TBC1D5: variants seen among roughly 807,000 people sequenced by gnomAD.
The protein encoded by TBC1D5 is TBC1 domain family, member 5.
Under a neutral mutation model 100.3 loss-of-function variants are expected in TBC1D5, and 75 were observed. That is an observed-to-expected ratio of 0.75 (90% CI 0.62 to 0.91). The LOEUF (loss-of-function observed/expected upper bound fraction) is 0.91, where lower values mean the gene tolerates loss of function less well. Among genes scored for constraint, TBC1D5 ranks in the 40% least tolerant of loss-of-function variants. The pLI, the probability that TBC1D5 is intolerant of heterozygous loss-of-function variation, is 0.00. For synonymous variants in TBC1D5, 323 were observed against 325.6 expected, an observed-to-expected ratio of 0.99 and a Z score of 0.09; for missense variants, 910 against 942.4, an observed-to-expected ratio of 0.97 and a Z score of 0.45.
intron 21 of TBC1D5, among the ~76,000 whole-genome samples, chr3:17,161,893 C>T (rs1160572030): frequency 2.0e-5 from 3 of 152,010 alleles, no homozygotes; most frequent in East Asian, 1.9e-4. Flanking sequence ...TGGTGGTAAC[C>T]GGTAGGTTCT....
At chr3:17,569,073 C>G (rs1004052093) in intron 2 of TBC1D5, among the ~76,000 whole-genome samples, 3 of 151,718 alleles carry the variant, frequency 2.0e-5, no homozygotes, top group Non-Finnish European at 4.4e-5. Flanking sequence ...CAAATACCCA[C>G]AAAAAGAGAA....
chr3:17,297,703 C>T (rs2082399438), intron 14 of TBC1D5, among the ~76,000 whole-genome samples: 1 of 152,138 alleles, frequency 6.6e-6, no homozygotes. Context: ...CCACCTCAGC[C>T]TTCCTAGTGG....
intron 2 of TBC1D5, among the ~76,000 whole-genome samples, chr3:17,525,191 G>A (rs529429170): frequency 2.6e-5 from 4 of 152,024 alleles, no homozygotes; most frequent in South Asian, 4.2e-4. Flanking sequence ...GTGCAATGAC[G>A]CGATCTCGGC....
chr3:17,259,132 A>G (rs2149439863), intron 15 of TBC1D5, among the ~76,000 whole-genome samples: 1 of 152,350 alleles, frequency 6.6e-6, no homozygotes, highest in East Asian at 1.9e-4. Context: ...CTTATTTATG[A>G]GTTTAATAAA....
rs190469103 is a variant in TBC1D5 at position 17,457,253 on chromosome 3, A to G, written c.98-28734T>C. Among the ~76,000 whole-genome samples, 156 of 152,202 alleles carry G rather than the reference A, an allele frequency of 1.0e-3. 2 individuals are homozygous for G. In the South Asian group the frequency reaches 0.018, roughly 18 times the overall value. On this transcript the variant is annotated intron_variant, in intron 3 of 21. Transcript: ENST00000253692. ...TGTCTGTCATTAATTTTGAAAAATT[A>G]TTAGCCATTATTTCTTCAAATAATT... is the stretch of plus-strand genomic sequence containing the variant.
At chr3:17,384,058 T>A (rs775709257) in intron 8 of TBC1D5, 43 bp from the exon 9 acceptor site, 9 of 1,504,820 alleles carry the variant, frequency 6.0e-6, no homozygotes, top group African/African-American at 1.4e-5. Flanking sequence ...TAACACAGTT[T>A]CAAGAATCAC....
At chr3:17,461,361 C>T (rs1002764615) in intron 3 of TBC1D5, among the ~76,000 whole-genome samples, 1 of 152,184 alleles carries the variant, frequency 6.6e-6, no homozygotes, top group African/African-American at 2.4e-5. Flanking sequence ...CTGTGGGCTT[C>T]TCTCAAATCC....
chr3:17,180,013 G>A (rs139665703), intron 19 of TBC1D5, among the ~76,000 whole-genome samples: 200 of 152,206 alleles, frequency 1.3e-3, no homozygotes, highest in Non-Finnish European at 2.4e-3. Flanking sequence ...TGTGAAGTAC[G>A]GCATATCTAA....
chr3:17,308,252 C>T, intron 13 of TBC1D5, 118 bp from the exon 14 acceptor site: 4 of 940,548 alleles, frequency 4.3e-6, no homozygotes, highest in Non-Finnish European at 4.4e-6. Context: ...TATTATATAT[C>T]AAAAATATAA....
intron 15 of TBC1D5, among the ~76,000 whole-genome samples, chr3:17,272,731 T>G (rs2079559903): frequency 6.6e-6 from 1 of 152,202 alleles, no homozygotes; most frequent in South Asian, 2.1e-4. Context: ...CATGAAAATA[T>G]GAAGAACATT....
intron 14 of TBC1D5, among the ~76,000 whole-genome samples, chr3:17,293,686 G>A (rs776484379): frequency 5.3e-5 from 8 of 152,158 alleles, no homozygotes; most frequent in Non-Finnish European, 1.0e-4. Flanking sequence ...ATTCATGACA[G>A]GCCCTATGCT....
intron 1 of TBC1D5, among the ~76,000 whole-genome samples, chr3:17,721,490 G>C (rs2075700191): frequency 6.6e-6 from 1 of 151,110 alleles, no homozygotes; most frequent in East Asian, 1.9e-4. Flanking sequence ...TGTGTGTGTT[G>C]TGGCTGGCAA....
intron 2 of TBC1D5, among the ~76,000 whole-genome samples, chr3:17,549,148 A>G (rs117876378): frequency 0.017 from 2,529 of 152,214 alleles, 52 homozygotes; most frequent in South Asian, 0.048. Flanking sequence ...ATACAAAAAA[A>G]TATATAGCCG....
At chr3:17,624,737 C>T (rs2062922216) in intron 1 of TBC1D5, among the ~76,000 whole-genome samples, 1 of 152,034 alleles carries the variant, frequency 6.6e-6, no homozygotes, top group Non-Finnish European at 1.5e-5. Context: ...GGTATCTGTA[C>T]TATATACACC....
intron 13 of TBC1D5, 114 bp downstream of exon 13, chr3:17,371,961 C>A: frequency 1.0e-6 from 1 of 1,001,814 alleles, no homozygotes; most frequent in Non-Finnish European, 1.4e-6. Flanking sequence ...CGCTTGAGCC[C>A]AGGGGGCAGA....
intron 3 of TBC1D5, among the ~76,000 whole-genome samples, chr3:17,437,492 C>T (rs989227206): frequency 1.3e-5 from 2 of 151,916 alleles, no homozygotes; most frequent in African/African-American, 2.4e-5. Flanking sequence ...ACATCTATTA[C>T]AAGAGGGGGT....
chr3:17,655,386 G>T (rs950168250), intron 1 of TBC1D5, among the ~76,000 whole-genome samples: 1 of 151,600 alleles, frequency 6.6e-6, no homozygotes, highest in African/African-American at 2.4e-5. Context: ...CAGCACACCA[G>T]CATGGCACAT....
chr3:17,305,732 A>C (rs1271865299), intron 14 of TBC1D5, among the ~76,000 whole-genome samples: 1 of 152,170 alleles, frequency 6.6e-6, no homozygotes, highest in African/African-American at 2.4e-5. Context: ...TCCAAGCTGG[A>C]GATTCTTCTA....
At chr3:17,511,088 T>TGC (rs1350341842) in intron 2 of TBC1D5, among the ~76,000 whole-genome samples, 2 of 152,058 alleles carry the variant, frequency 1.3e-5, no homozygotes, top group Non-Finnish European at 2.9e-5. Flanking sequence ...CCCTTTACTC[T>TGC]GCTTCAGCTT....
Sources: allele counts gnomAD v4.1 joint callset (sites outside exome capture counted in the v4.1 genomes callset), GRCh38; gene constraint gnomAD v4.1.1; transcripts MANE v1.5; gene names NCBI Gene and HGNC (gene_info 2026-07-23, HGNC 2026-07-21).